HERPUD2: variants seen among roughly 807,000 people sequenced by gnomAD.
The protein encoded by HERPUD2 is HERPUD family member 2, also known as homocysteine-responsive endoplasmic reticulum-resident ubiquitin-like domain member 2 protein.
HERPUD2 carries 13 observed loss-of-function variants against 49.9 expected under a neutral mutation model. The observed-to-expected ratio is 0.26, with a 90% CI of 0.17 to 0.41. The LOEUF (loss-of-function observed/expected upper bound fraction) is 0.41. Ranked by LOEUF, HERPUD2 falls within the 10% of genes least tolerant of loss-of-function variation. The probability of loss-of-function intolerance (pLI) is 1.00; values close to 1 mark genes in which losing one functional copy is unlikely to be tolerated. For missense variants in HERPUD2, 449 were observed against 492.2 expected (o/e 0.91, Z 0.83); for synonymous variants, 172 against 171.4 (o/e 1.00, Z -0.03).
At chr7:35,649,112 G>C (rs1331518535) in intron 5 of HERPUD2, among the ~76,000 whole-genome samples, 1 of 152,048 alleles carries the variant, frequency 6.6e-6, no homozygotes, top group African/African-American at 2.4e-5. Flanking sequence ...TTAGCCAGGC[G>C]TGGTGGCAGG....
chr7:35,668,149 C>T (rs1785575679), intron 4 of HERPUD2, among the ~76,000 whole-genome samples: 1 of 152,204 alleles, frequency 6.6e-6, no homozygotes, highest in South Asian at 2.1e-4. Context: ...TAAAGGTTCA[C>T]TTAACCTCTC....
In HERPUD2 at chr7:35,667,353, A is replaced by T. The variant is rs577325705; in HGVS notation, c.494+81T>A. The T allele has an allele frequency of 8.0e-5, 98 of 1,220,148 alleles. 1 individual carries two copies. The highest frequency in any genetic ancestry group is 5.5e-4 in the Admixed American group (28 of 50,524). The allele number at this position is 1,220,148 out of a possible 1,614,324, so 75.6% of individuals were successfully genotyped here. A position where few individuals can be genotyped will look rare whatever the true frequency, so the allele number is the denominator to read the frequency against. On this transcript the variant is annotated intron_variant, in intron 5 of 8. Transcript: ENST00000311350. ...TTTAAAATGTACTTTAATTACTGCA[A>T]AGAGGCTATAGTGAAACTCAAAAGC... is the stretch of plus-strand genomic sequence containing the variant.
chr7:35,669,492 C>T (rs1785602397), intron 4 of HERPUD2, among the ~76,000 whole-genome samples: 1 of 152,136 alleles, frequency 6.6e-6, no homozygotes, highest in Admixed American at 6.6e-5. Context: ...AGCAAGCTTC[C>T]ACTCATCCAA....
At chr7:35,664,916 C>T (rs1785505578) in intron 5 of HERPUD2, among the ~76,000 whole-genome samples, 1 of 152,324 alleles carries the variant, frequency 6.6e-6, no homozygotes, top group Admixed American at 6.5e-5. Flanking sequence ...AGTCATTCTC[C>T]ATACAGCTTT....
In HERPUD2 at chr7:35,638,421, C is replaced by T. The variant is rs966171178; in HGVS notation, c.546G>A (p.Val182=). 1 of 1,613,516 alleles carries T rather than the reference C, an allele frequency of 6.2e-7. No homozygotes were observed. Among genetic ancestry groups the T allele is most frequent in the Non-Finnish European group, 8.5e-7 (1 of 1,179,640 alleles). The part of the protein sequence containing the change: ...PGQAAPPGFP[V]YPAFSPLQML... ...TCTGCAGTGGGCTAAACGCGGGATACACTGGGAATCCAGGTGGAGCAGCTT... is the reference window on the plus strand; with the variant it reads ...TCTGCAGTGGGCTAAACGCGGGATATACTGGGAATCCAGGTGGAGCAGCTT... Residue 182 remains valine (V), a synonymous_variant, in exon 6 of 9, where the codon GTG becomes GTA. Coordinates refer to ENST00000311350, the MANE Select transcript of HERPUD2 (RefSeq NM_022373.5).
At chr7:35,681,001 T>C (rs1438058306) in intron 2 of HERPUD2, among the ~76,000 whole-genome samples, 1 of 152,162 alleles carries the variant, frequency 6.6e-6, no homozygotes, top group African/African-American at 2.4e-5. Context: ...AATTTGAAGT[T>C]TGTTAAATTA....
At chr7:35,643,302 C>A (rs1165278780) in intron 5 of HERPUD2, among the ~76,000 whole-genome samples, 1 of 152,156 alleles carries the variant, frequency 6.6e-6, no homozygotes, top group African/African-American at 2.4e-5. Context: ...CTAAATACAG[C>A]AAAGCCAAAA....
intron 3 of HERPUD2, among the ~76,000 whole-genome samples, chr7:35,672,934 A>G (rs1287879480): frequency 6.6e-6 from 1 of 152,142 alleles, no homozygotes; most frequent in Non-Finnish European, 1.5e-5. Context: ...ACTGACGTCA[A>G]TAGCATTTTC....
chr7:35,694,255 T>A lies in HERPUD2; in HGVS notation c.76A>T (p.Ile26Phe). The stretch of plus-strand genomic sequence containing the variant: ...ACGGTCCAGTTCAAGAAGCAGCTAA[T>A]AGTCTGGTCACTGTATTTCTGATTC... ...APNQKYSDQT[I>F]SCFLNWTVGK... Residue 26 changes from isoleucine (I) to phenylalanine (F), a missense_variant, in exon 2 of 9, where the codon ATT (isoleucine) becomes TTT (phenylalanine). Transcript: ENST00000311350. 1 of 1,614,118 alleles carries A rather than the reference T, an allele frequency of 6.2e-7. No individual in the cohort carries two copies. The highest frequency in any genetic ancestry group is 8.5e-7 in the Non-Finnish European group (1 of 1,179,994).
At position 35,662,659 on chromosome 7, in the gene HERPUD2, C is replaced by T. The variant is rs970953749; in HGVS notation, c.494+4775G>A. On this transcript the variant is annotated intron_variant, in intron 5 of 8. Coordinates refer to ENST00000311350, the MANE Select transcript of HERPUD2 (RefSeq NM_022373.5). Reference sequence around the variant, plus strand: ...TCTTCTAGATTTTCTAGTTTATTTGCGTAGAGGTGTTTATAGTACTCTCTG... The same window carrying T: ...TCTTCTAGATTTTCTAGTTTATTTGTGTAGAGGTGTTTATAGTACTCTCTG... Among the ~76,000 whole-genome samples the T allele has an allele frequency of 5.2e-4, 79 of 152,224 alleles. 1 individual carries two copies. Among genetic ancestry groups the T allele is most frequent in the African/African-American group, 1.7e-3 (70 of 41,534 alleles).
chr7:35,643,804 C>A (rs1785005422), intron 5 of HERPUD2, among the ~76,000 whole-genome samples: 1 of 148,968 alleles, frequency 6.7e-6, no homozygotes, highest in African/African-American at 2.5e-5. Flanking sequence ...TTAAAAAAAA[C>A]TAAACTAAAA....
chr7:35,672,395 T>C (rs899144459), intron 3 of HERPUD2, among the ~76,000 whole-genome samples: 20 of 152,128 alleles, frequency 1.3e-4, no homozygotes, highest in Admixed American at 7.9e-4. Flanking sequence ...AGAAGTCACA[T>C]TGGCAAAGCT....
chr7:35,664,362 T>C (rs563640908), intron 5 of HERPUD2, among the ~76,000 whole-genome samples: 1 of 152,340 alleles, frequency 6.6e-6, no homozygotes, highest in East Asian at 1.9e-4. Context: ...CTGACAATTA[T>C]GTGTCTTGGA....
intron 6 of HERPUD2, 38 bp downstream of exon 6, chr7:35,638,312 C>G (rs1194679412): frequency 6.5e-7 from 1 of 1,536,114 alleles, no homozygotes; most frequent in Non-Finnish European, 8.9e-7. Flanking sequence ...GCAAATAACA[C>G]ACTGAGTAAC....
chr7:35,641,138 G>C (rs1038820267), intron 5 of HERPUD2, among the ~76,000 whole-genome samples: 2 of 152,110 alleles, frequency 1.3e-5, no homozygotes, highest in Non-Finnish European at 2.9e-5. Context: ...ATAATCATTA[G>C]GATATCAACT....
chr7:35,650,068 A>G (rs1469294574), intron 5 of HERPUD2, among the ~76,000 whole-genome samples: 3 of 152,180 alleles, frequency 2.0e-5, no homozygotes, highest in Non-Finnish European at 4.4e-5. Context: ...CTTTTAAAAA[A>G]TCAGACAATA....
At chr7:35,651,192 C>T (rs1212810050) in intron 5 of HERPUD2, among the ~76,000 whole-genome samples, 1 of 152,186 alleles carries the variant, frequency 6.6e-6, no homozygotes, top group Non-Finnish European at 1.5e-5. Flanking sequence ...ATATCCACTG[C>T]CTAGGGGCCC....
chr7:35,657,666 T>G (rs555070186), intron 5 of HERPUD2, among the ~76,000 whole-genome samples: 1 of 149,076 alleles, frequency 6.7e-6, no homozygotes, highest in African/African-American at 2.5e-5. Flanking sequence ...TCCCAGCACT[T>G]TGGGAGGCCG....
At chr7:35,656,738 G>A (rs1329410279) in intron 5 of HERPUD2, among the ~76,000 whole-genome samples, 2 of 151,884 alleles carry the variant, frequency 1.3e-5, no homozygotes, top group Non-Finnish European at 2.9e-5. Flanking sequence ...TTTCAACAAA[G>A]GTGTCAAGAA....
Sources: allele counts gnomAD v4.1 joint callset (sites outside exome capture counted in the v4.1 genomes callset), GRCh38; gene constraint gnomAD v4.1.1; transcripts MANE v1.5; gene names NCBI Gene and HGNC (gene_info 2026-07-23, HGNC 2026-07-21).